The following TRABD2B variants were observed in gnomAD, a reference collection of about 807,000 sequenced individuals.
The protein encoded by TRABD2B is TraB domain containing 2B.
TRABD2B carries 14 observed loss-of-function variants against 40.1 expected under a neutral mutation model. The observed-to-expected ratio is 0.35, with a 90% CI of 0.23 to 0.55. The LOEUF is 0.55. Ranked by LOEUF, TRABD2B falls within the 20% of genes least tolerant of loss-of-function variation. The probability of loss-of-function intolerance (pLI) is 0.90; values close to 1 mark genes in which losing one functional copy is unlikely to be tolerated. For synonymous variants in TRABD2B, 263 were observed against 277.0 expected, an observed-to-expected ratio of 0.95 and a Z score of 0.50; for missense variants, 541 against 648.6, an observed-to-expected ratio of 0.83 and a Z score of 1.80.
At chr1:47,777,334 T>G (rs1384156061) in intron 5 of TRABD2B, among the ~76,000 whole-genome samples, 2 of 152,210 alleles carry the variant, frequency 1.3e-5, no homozygotes, top group Non-Finnish European at 2.9e-5. Context: ...TAATGCGTGC[T>G]GGGCCCAAAC....
chr1:47,842,001 C>G (rs915364900), intron 2 of TRABD2B, among the ~76,000 whole-genome samples: 53 of 151,988 alleles, frequency 3.5e-4, no homozygotes, highest in African/African-American at 1.2e-3. Context: ...CTTGAGCTCC[C>G]AACCTCGTGA....
chr1:47,806,298 A>G (rs1644891410), intron 2 of TRABD2B, among the ~76,000 whole-genome samples: 1 of 152,182 alleles, frequency 6.6e-6, no homozygotes, highest in Non-Finnish European at 1.5e-5. Flanking sequence ...AGATGTGCCA[A>G]CTGGCCAGCA....
chr1:47,961,682 A>G (rs1186022465), intron 2 of TRABD2B, among the ~76,000 whole-genome samples: 25 of 152,200 alleles, frequency 1.6e-4, no homozygotes, highest in Admixed American at 1.6e-3. Flanking sequence ...CACACCAGTT[A>G]GAATGGCGAT....
At chr1:47,924,725 T>C (rs1192224415) in intron 2 of TRABD2B, among the ~76,000 whole-genome samples, 1 of 152,074 alleles carries the variant, frequency 6.6e-6, no homozygotes, top group African/African-American at 2.4e-5. Context: ...GACACATAAG[T>C]TCAAAACCTC....
intron 2 of TRABD2B, among the ~76,000 whole-genome samples, chr1:47,917,038 A>C (rs1036031640): frequency 3.3e-5 from 5 of 152,216 alleles, no homozygotes; most frequent in Admixed American, 2.6e-4. Context: ...TTTGTTCAAG[A>C]CCACGCACAG....
intron 2 of TRABD2B, among the ~76,000 whole-genome samples, chr1:47,947,850 C>T (rs552904343): frequency 4.6e-4 from 70 of 152,224 alleles, no homozygotes; most frequent in South Asian, 4.6e-3. Flanking sequence ...GTGAGGAAAC[C>T]GAGGCTCAGA....
chr1:47,822,540 G>A (rs974255340), intron 2 of TRABD2B, among the ~76,000 whole-genome samples: 1 of 151,730 alleles, frequency 6.6e-6, no homozygotes, highest in African/African-American at 2.4e-5. Context: ...GTGACTCTGG[G>A]CCAGTCCCTT....
intron 2 of TRABD2B, among the ~76,000 whole-genome samples, chr1:47,931,248 G>A (rs1645036277): frequency 6.6e-6 from 1 of 152,168 alleles, no homozygotes; most frequent in African/African-American, 2.4e-5. Context: ...GATTATTCTT[G>A]CTTCAGCTTT....
intron 2 of TRABD2B, among the ~76,000 whole-genome samples, chr1:47,871,906 G>A (rs1406681141): frequency 6.6e-6 from 1 of 152,230 alleles, no homozygotes; most frequent in Non-Finnish European, 1.5e-5. Context: ...CTCCAAGGAA[G>A]GAGAAGGACC....
intron 2 of TRABD2B, among the ~76,000 whole-genome samples, chr1:47,950,467 G>A (rs1295296534): frequency 6.6e-6 from 1 of 152,162 alleles, no homozygotes; most frequent in Admixed American, 6.5e-5. Context: ...ACAGAAATGA[G>A]TTTGATGAGC....
chr1:47,816,692 T>C (rs763224459), intron 2 of TRABD2B, among the ~76,000 whole-genome samples: 1 of 152,184 alleles, frequency 6.6e-6, no homozygotes, highest in Non-Finnish European at 1.5e-5. Flanking sequence ...TCCTACACCC[T>C]GGACTCTTTA....
At chr1:47,877,641 A>C (rs11211623) in intron 2 of TRABD2B, among the ~76,000 whole-genome samples, 114,427 of 152,076 alleles carry the variant, frequency 0.75, 43,494 homozygotes, top group East Asian at 0.98. Context: ...TGGAGGCATG[A>C]AAAAATTACC....
intron 2 of TRABD2B, among the ~76,000 whole-genome samples, chr1:47,980,582 T>C (rs1645827291): frequency 6.6e-6 from 1 of 152,176 alleles, no homozygotes; most frequent in African/African-American, 2.4e-5. Context: ...CAGAGATTCC[T>C]CTAGGCTGGG....
chr1:47,817,693 C>T lies in TRABD2B; in HGVS notation c.667-16074G>A, dbSNP rs74622528. Among the ~76,000 whole-genome samples the T allele has an allele frequency of 5.3e-3, 802 of 152,298 alleles. 7 individuals carry two copies. The highest frequency in any genetic ancestry group is 0.017 in the African/African-American group (702 of 41,574). On this transcript the variant is annotated intron_variant, in intron 2 of 6. Coordinates refer to ENST00000606738, the MANE Select transcript of TRABD2B (RefSeq NM_001194986.2). ...AGCCTGCTCCCAGGACTGATATCTG[C>T]TCCTCTAGGGATGAGGGCCCAGTCC... is the stretch of plus-strand genomic sequence containing the variant.
At chr1:47,874,618 A>G (rs1272153891) in intron 2 of TRABD2B, among the ~76,000 whole-genome samples, 4 of 144,142 alleles carry the variant, frequency 2.8e-5, no homozygotes, top group Non-Finnish European at 6.0e-5. Context: ...CTCAGGCTGG[A>G]GTGCAGTAGC....
intron 2 of TRABD2B, among the ~76,000 whole-genome samples, chr1:47,911,161 TG>T (rs1644757885): frequency 6.6e-6 from 1 of 152,262 alleles, no homozygotes; most frequent in South Asian, 2.1e-4. Context: ...AGATTGAATC[TG>T]CATTCCTTCT....
At chr1:47,861,041 T>C (rs1206496768) in intron 2 of TRABD2B, among the ~76,000 whole-genome samples, 3 of 152,296 alleles carry the variant, frequency 2.0e-5, no homozygotes, top group South Asian at 2.1e-4. Context: ...TTGGTGATCA[T>C]CTCTTCCAAT....
chr1:47,868,278 T>C (rs2124580113), intron 2 of TRABD2B, among the ~76,000 whole-genome samples: 1 of 152,278 alleles, frequency 6.6e-6, no homozygotes, highest in Admixed American at 6.5e-5. Flanking sequence ...GAGCCTAATC[T>C]AGCATCTGAC....
chr1:47,868,956 A>G (rs1644100946), intron 2 of TRABD2B, among the ~76,000 whole-genome samples: 1 of 152,054 alleles, frequency 6.6e-6, no homozygotes, highest in East Asian at 1.9e-4. Context: ...TTGGGTCCTC[A>G]CTCTGGACTC....
Sources: allele counts gnomAD v4.1 joint callset (sites outside exome capture counted in the v4.1 genomes callset), GRCh38; gene constraint gnomAD v4.1.1; transcripts MANE v1.5; gene names NCBI Gene and HGNC (gene_info 2026-07-23, HGNC 2026-07-21).